The following MYH14 variants were observed in gnomAD, a reference collection of about 807,000 sequenced individuals.
The protein encoded by MYH14 is myosin heavy chain 14.
In MYH14, 123 loss-of-function variants were observed where a neutral mutation model predicts 255.5. That is an observed-to-expected ratio of 0.48 (90% confidence interval 0.42 to 0.56). The LOEUF is 0.56. Ranked by LOEUF, MYH14 falls within the 20% of genes least tolerant of loss-of-function variation. The pLI, the probability that MYH14 is intolerant of heterozygous loss-of-function variation, is 0.00. For missense variants in MYH14, 2,423 were observed against 2,802.3 expected, an observed-to-expected ratio of 0.86 and a Z score of 3.06; for synonymous variants, 1,095 against 1,161.2, an observed-to-expected ratio of 0.94 and a Z score of 1.16.
At chr19:50,270,716 A>G (rs1428833971) in intron 24 of MYH14, among the ~76,000 whole-genome samples, 3 of 148,566 alleles carry the variant, frequency 2.0e-5, no homozygotes, top group African/African-American at 7.5e-5. Flanking sequence ...TTTTTTTGAG[A>G]CAGAGTCTCA....
chr19:50,283,077 T>C (rs2035778676), intron 33 of MYH14, among the ~76,000 whole-genome samples: 1 of 152,078 alleles, frequency 6.6e-6, no homozygotes, highest in Non-Finnish European at 1.5e-5. Context: ...TTATATAAAT[T>C]ATTTTCACAT....
rs1294309087 is a variant in MYH14, at chr19:50,251,544, ACACACAC to A, written c.1830+857_1830+863del. The stretch of plus-strand genomic sequence containing the variant: ...ACTACACACACACACACACACACAC[ACACACAC>A]ACACACACACACACACACATATATA... On this transcript the variant is annotated intron_variant, in intron 15 of 42. Transcript: ENST00000642316. Among the ~76,000 whole-genome samples, 433 of 142,298 alleles carry A rather than the reference ACACACAC, an allele frequency of 3.0e-3. 3 individuals are homozygous for A. Among genetic ancestry groups the A allele is most frequent in the African/African-American group, 0.011 (418 of 36,978 alleles). 93.4% of individuals were successfully genotyped at this position (142,298 alleles called of 152,430 possible). A position where few individuals can be genotyped will look rare whatever the true frequency, so the allele number is the denominator to read the frequency against.
chr19:50,296,152 G>A (rs996751697), intron 39 of MYH14, among the ~76,000 whole-genome samples: 1 of 151,814 alleles, frequency 6.6e-6, no homozygotes, highest in Non-Finnish European at 1.5e-5. Context: ...GCAAACCCCT[G>A]TAGTTCTCAA....
Position 50,289,482 on chromosome 19 carries a change from A to G in MYH14, c.4799A>G (p.Asn1600Ser), listed in dbSNP as rs769482601. 1.7e-5 allele frequency: 28 copies of G among 1,612,828 alleles called. No individual in the cohort carries two copies. Among genetic ancestry groups the G allele is most frequent in the African/African-American group, 1.7e-4 (13 of 74,896 alleles). ...RACRVAEQAA[N>S]DLRAQVTELE... ...TGCCGGGTAGCAGAACAGGCAGCCA[A>G]TGATCTGCGAGCACAGGTGACAGAA... Residue 1600 changes from asparagine (N) to serine (S), a missense_variant, in exon 35 of 43, where the codon AAT becomes AGT. Asn to Ser is a conservative substitution (Grantham distance 46). Coordinates refer to ENST00000642316, the MANE Select transcript of MYH14 (RefSeq NM_001145809.2).
At chr19:50,249,461 C>T (rs980046154) in intron 13 of MYH14, 189 bp from the exon 14 acceptor site, 16 of 684,788 alleles carry the variant, frequency 2.3e-5, no homozygotes, top group African/African-American at 2.2e-4. Context: ...GGGTCTCTGT[C>T]CCCTGTCTCT....
At position 50,266,484 on chromosome 19, in the gene MYH14, G is replaced by A. The variant is rs559897589; in HGVS notation, c.2695-393G>A. ...TGAGGCAGGAGAATCGCTTGAACCT[G>A]GGAGGCAGAGGTTGCAGTGAGCCGA... is the stretch of plus-strand genomic sequence containing the variant. On this transcript the variant is annotated intron_variant, in intron 22 of 42. Coordinates refer to ENST00000642316, the MANE Select transcript of MYH14 (RefSeq NM_001145809.2). This position sits in a 1 kb window ranked among gnomAD's most constrained non-coding sequence, Gnocchi z 4.1. Among the ~76,000 whole-genome samples, 70 of 152,078 alleles carry A rather than the reference G, an allele frequency of 4.6e-4. No individual in the cohort carries two copies. Among genetic ancestry groups the A allele is most frequent in the African/African-American group, 1.6e-3 (68 of 41,464 alleles).
rs893490164 is a variant in MYH14, at chr19:50,286,584, C to T, written c.4642C>T (p.Arg1548Trp). ...EREARALSLT[R>W]ALEEEQEARE... ...TGAGGCTCGGGCCCTGTCACTGACA[C>T]GGGCACTGGAGGAGGAGCAGGAGGC... is the stretch of plus-strand genomic sequence containing the variant. Residue 1548 changes from arginine to tryptophan, a missense_variant, in exon 34 of 43, where the codon CGG becomes TGG. Transcript: ENST00000642316. The T allele has an allele frequency of 7.5e-6, 12 of 1,608,594 alleles. No individual in the cohort carries two copies. The highest frequency in any genetic ancestry group is 2.2e-5 in the East Asian group (1 of 44,724).
intron 9 of MYH14, among the ~76,000 whole-genome samples, chr19:50,231,275 G>T (rs552487327): frequency 1.3e-5 from 2 of 152,238 alleles, no homozygotes; most frequent in Middle Eastern, 3.2e-3. Context: ...CTTTGAGACC[G>T]CATGTCCTTG....
At chr19:50,267,420 C>T (rs545204708) in intron 23 of MYH14, among the ~76,000 whole-genome samples, 97 of 152,068 alleles carry the variant, frequency 6.4e-4, no homozygotes, top group African/African-American at 1.9e-3. Context: ...GGGAGGCTGA[C>T]GCGGGCAGAT....
intron 30 of MYH14, among the ~76,000 whole-genome samples, chr19:50,279,259 C>A (rs962909594): frequency 6.6e-6 from 1 of 152,242 alleles, no homozygotes; most frequent in African/African-American, 2.4e-5. Context: ...TTTGTGGCTG[C>A]CTTCTTTTAC....
At chr19:50,204,374 A>G (rs2031614627) in intron 1 of MYH14, among the ~76,000 whole-genome samples, 1 of 152,272 alleles carries the variant, frequency 6.6e-6, no homozygotes, top group Non-Finnish European at 1.5e-5. Context: ...ATGGGGAAGC[A>G]GGTTGGTAGT....
chr19:50,280,397 C>A lies in MYH14; in HGVS notation c.4290+14C>A. Reference sequence around the variant, plus strand: ...GCCCAGGCCCAGGTGAGCAGCCCTACGTAAGACCTTCAGGGAGGCACAGCC... The same window carrying A: ...GCCCAGGCCCAGGTGAGCAGCCCTAAGTAAGACCTTCAGGGAGGCACAGCC... On this transcript the variant is annotated intron_variant, in intron 32 of 42. Transcript: ENST00000642316. The surrounding 1 kb of genome is among the most constrained non-coding windows in gnomAD (Gnocchi z 4.8). The A allele has an allele frequency of 6.6e-7, 1 of 1,517,466 alleles. No homozygotes were observed. The highest frequency in any genetic ancestry group is 8.9e-7 in the Non-Finnish European group (1 of 1,127,142). The allele number at this position is 1,517,466 out of a possible 1,614,324, so 94.0% of individuals were successfully genotyped here.
At chr19:50,272,099 G>C in intron 26 of MYH14, 127 bp downstream of exon 26, 2 of 1,263,292 alleles carry the variant, frequency 1.6e-6, no homozygotes, top group Non-Finnish European at 2.2e-6. Context: ...GCTCAGGGCA[G>C]ATTGAGTGTC....
intron 8 of MYH14, among the ~76,000 whole-genome samples, chr19:50,229,214 C>T (rs1331310901): frequency 1.3e-5 from 2 of 152,154 alleles, no homozygotes; most frequent in Non-Finnish European, 2.9e-5. Context: ...GGTTACACCC[C>T]AGGGCTTCTG....
chr19:50,309,840 T>A lies in MYH14; in HGVS notation c.*50T>A. ...AACAGATGGGGCCCAGCCCCCTTCC[T>A]CCCTGGACCCCACGGGCCCCTGTCC... is the stretch of plus-strand genomic sequence containing the variant. On this transcript the variant is annotated 3_prime_UTR_variant, in exon 43 of 43. Coordinates refer to ENST00000642316, the MANE Select transcript of MYH14 (RefSeq NM_001145809.2). 6.9e-7 allele frequency: 1 copy of A among 1,457,732 alleles called. No individual in the cohort carries two copies. Among genetic ancestry groups the A allele is most frequent in the Non-Finnish European group, 9.2e-7 (1 of 1,086,350 alleles). 90.3% of individuals were successfully genotyped at this position (1,457,732 alleles called of 1,614,324 possible).
intron 27 of MYH14, among the ~76,000 whole-genome samples, chr19:50,273,290 CAAAAAA>C (rs778739770): frequency 0.22 from 17,515 of 78,016 alleles, 1,247 homozygotes; most frequent in South Asian, 0.38. Flanking sequence ...GACTATGTCT[CAAAAAA>C]AAAAAAAAAA....
chr19:50,284,442 C>A (rs1223959919), intron 33 of MYH14, among the ~76,000 whole-genome samples: 2 of 152,168 alleles, frequency 1.3e-5, no homozygotes, highest in African/African-American at 2.4e-5. Flanking sequence ...TCTTGGCTTA[C>A]TGCAACCTCT....
At chr19:50,207,222 C>A (rs972893395) in intron 1 of MYH14, among the ~76,000 whole-genome samples, 2 of 118,222 alleles carry the variant, frequency 1.7e-5, no homozygotes, top group South Asian at 2.9e-4. Flanking sequence ...AGAGCGAGAC[C>A]TATCTCTAAG....
At chr19:50,247,525 TA>T (rs1174606234) in intron 12 of MYH14, among the ~76,000 whole-genome samples, 3 of 151,266 alleles carry the variant, frequency 2.0e-5, no homozygotes, top group Non-Finnish European at 4.4e-5. Context: ...AAAAATTTAA[TA>T]ATAATTTAAA....
Sources: gnomAD v4.1 joint callset for allele counts (sites outside exome capture counted in the v4.1 genomes callset) on GRCh38, gnomAD v4.1.1 for gene constraint, Gnocchi (gnomAD v3.1) non-coding constraint, MANE v1.5 for transcripts, NCBI Gene and HGNC (gene_info 2026-07-23, HGNC 2026-07-21) for gene names.